LEPROTL1: variants seen among roughly 807,000 people sequenced by gnomAD.
LEPROTL1 encodes the protein leptin receptor overlapping transcript-like 1.
LEPROTL1 carries 6 observed loss-of-function variants against 15.4 expected under a neutral mutation model. The ratio of observed to expected loss-of-function variants is 0.39; its 90% CI spans 0.21 to 0.77. LEPROTL1 has a LOEUF of 0.77. LEPROTL1 is among the 30% of genes least tolerant of loss of function. The pLI, the probability that LEPROTL1 is intolerant of heterozygous loss-of-function variation, is 0.41. For missense variants in LEPROTL1, 128 were observed against 158.1 expected (o/e 0.81, Z 1.02); for synonymous variants, 56 against 52.6 (o/e 1.06, Z -0.28).
downstream of LEPROTL1, among the ~76,000 whole-genome samples, chr8:30,112,232 A>G (rs980516572): frequency 6.6e-6 from 1 of 151,666 alleles, no homozygotes; most frequent in Non-Finnish European, 1.5e-5. Flanking sequence ...TAACTTTGTA[A>G]CCATTTTTCT....
intron 1 of LEPROTL1, among the ~76,000 whole-genome samples, chr8:30,096,823 G>T (rs1048471822): frequency 2.0e-5 from 3 of 152,132 alleles, no homozygotes; most frequent in Non-Finnish European, 1.5e-5. Context: ...GATTTCAGCA[G>T]GATTTTCTGG....
Position 30,129,311 on chromosome 8 carries a change from A to G in LEPROTL1, c.280-3064A>G, listed in dbSNP as rs139821342. 2.6e-5 allele frequency among the ~76,000 whole-genome samples: 4 copies of G among 152,218 alleles called. No individual in the cohort carries two copies. The East Asian group carries it at 7.7e-4, about 29-fold the overall frequency. On this transcript the variant is annotated intron_variant, in intron 3 of 4. Transcript: ENST00000442880. ...GCCTTCATGTTAATCAGTGATATTG[A>G]CCTATAACTTTCTAAGTTATCTATA...
chr8:30,095,980 T>C lies in LEPROTL1; in HGVS notation c.16+452T>C, dbSNP rs1802357436. ...TTCCCACCGAAAGGCACAAGTGCGG[T>C]CTGCGGGCGCTGCACGGGTCTGCCC... On this transcript the variant is annotated intron_variant, in intron 1 of 3. Coordinates refer to ENST00000321250, the MANE Select transcript of LEPROTL1 (RefSeq NM_015344.3). 3 of 670,642 alleles carry C rather than the reference T, an allele frequency of 4.5e-6. No homozygotes were observed. The South Asian group carries it at 4.7e-5, about 10-fold the overall frequency. 41.5% of individuals were successfully genotyped at this position (670,642 alleles called of 1,614,324 possible).
In LEPROTL1 at chr8:30,118,019, GTTT is replaced by G. The variant is rs34271690; in HGVS notation, c.279+13554_279+13556del. On this transcript the variant is annotated intron_variant, in intron 3 of 4. Transcript: ENST00000442880. ...AATCTGTATATATATTTTTTGATTT[GTTT>G]TTTTTTTTTTTTTTTTTTTTGAGAC... Among the ~76,000 whole-genome samples, 25 of 26,774 alleles carry G rather than the reference GTTT, an allele frequency of 9.3e-4. 1 individual carries two copies. Among genetic ancestry groups the G allele is most frequent in the East Asian group, 2.2e-3 (2 of 930 alleles). The allele number at this position is 26,774 out of a possible 152,430, so 17.6% of individuals were successfully genotyped here.
downstream of LEPROTL1, among the ~76,000 whole-genome samples, chr8:30,112,811 T>C (rs538118203): frequency 4.6e-4 from 70 of 152,220 alleles, 1 homozygote; most frequent in South Asian, 0.014. Context: ...AGATAGTGAA[T>C]GTTAGATGTT....
intron 3 of LEPROTL1, among the ~76,000 whole-genome samples, chr8:30,128,672 A>G (rs1802942930): frequency 6.6e-6 from 1 of 151,526 alleles, no homozygotes; most frequent in Non-Finnish European, 1.5e-5. Flanking sequence ...GGATTCCTTG[A>G]GCCCAGGAGG....
At chr8:30,116,918 AACTC>A (rs1252930140) in intron 3 of LEPROTL1, among the ~76,000 whole-genome samples, 1 of 152,130 alleles carries the variant, frequency 6.6e-6, no homozygotes, top group Non-Finnish European at 1.5e-5. Context: ...ATCTGATACT[AACTC>A]CAGGTAGTCA....
At chr8:30,132,548 A>G in intron 4 of LEPROTL1, 1 of 1,551,742 alleles carries the variant, frequency 6.4e-7, no homozygotes, top group Non-Finnish European at 8.7e-7. Flanking sequence ...AATTGCTGGC[A>G]ATCAGTCAGT....
downstream of LEPROTL1, among the ~76,000 whole-genome samples, chr8:30,108,687 T>C (rs1235346217): frequency 1.3e-5 from 2 of 150,662 alleles, no homozygotes; most frequent in African/African-American, 4.9e-5. Context: ...CAGGCTGGAG[T>C]GCAGTGGTAC....
downstream of LEPROTL1, chr8:30,138,233 C>G (rs764212364): frequency 5.6e-5 from 14 of 248,702 alleles, no homozygotes; most frequent in East Asian, 1.5e-4. Flanking sequence ...ACAGCCAGCT[C>G]TCTGTGAATT....
At chr8:30,136,679 C>T (rs1394797372) in intron 4 of LEPROTL1, among the ~76,000 whole-genome samples, 3 of 152,044 alleles carry the variant, frequency 2.0e-5, no homozygotes, top group Admixed American at 2.0e-4. Context: ...TTGCCTTTTC[C>T]TTAGAGCAGC....
chr8:30,095,445 TG>T lies in LEPROTL1; in HGVS notation c.-65del. On this transcript the variant is annotated 5_prime_UTR_variant, in exon 1 of 4. Coordinates refer to ENST00000321250, the MANE Select transcript of LEPROTL1 (RefSeq NM_015344.3). ...GTTGTCTGGCCGCCGTAGCGCGTCTTGGGTCTCCCGGCTGCCGCTGCTGCCG... is the reference window on the plus strand; with the variant it reads ...GTTGTCTGGCCGCCGTAGCGCGTCTTGGTCTCCCGGCTGCCGCTGCTGCCG... 1 of 1,448,090 alleles carries T rather than the reference TG, an allele frequency of 6.9e-7. No individual in the cohort carries two copies. The highest frequency in any genetic ancestry group is 3.1e-5 in the East Asian group (1 of 32,520). 89.7% of individuals were successfully genotyped at this position (1,448,090 alleles called of 1,614,324 possible).
intron 3 of LEPROTL1, among the ~76,000 whole-genome samples, chr8:30,120,554 G>T (rs1802815386): frequency 6.6e-6 from 1 of 152,086 alleles, no homozygotes; most frequent in African/African-American, 2.4e-5. Context: ...TTTCTGAGAT[G>T]GGTTCTTTCT....
intron 1 of LEPROTL1, chr8:30,096,016 C>A: frequency 1.7e-6 from 1 of 605,696 alleles, no homozygotes; most frequent in Non-Finnish European, 3.0e-6. Flanking sequence ...GAAACCTCGA[C>A]CCCACGTCCA....
chr8:30,101,952 G>C lies in LEPROTL1; in HGVS notation c.71G>C (p.Gly24Ala). The C allele has an allele frequency of 1.2e-6, 2 of 1,606,946 alleles. No individual in the cohort carries two copies. The highest frequency in any genetic ancestry group is 1.7e-6 in the Non-Finnish European group (2 of 1,174,950). ...ATCGGACTGATGTTTTTGATGCTTG[G>C]ATGTGCCCTTCCAATATACAAGTAT... ...GAIGLMFLML[G>A]CALPIYNKYW... The change falls in exon 2 of 4, where the codon GGA becomes GCA. Residue 24 changes from glycine to alanine, a missense_variant. Gly to Ala is a moderately conservative substitution (Grantham distance 60, BLOSUM62 0). Coordinates refer to ENST00000321250, the MANE Select transcript of LEPROTL1 (RefSeq NM_015344.3).
intron 1 of LEPROTL1, chr8:30,095,930 A>G (rs1269885231): frequency 1.4e-6 from 1 of 691,306 alleles, no homozygotes. Flanking sequence ...GCTGCTAGAG[A>G]TGCCAGCTAT....
intron 3 of LEPROTL1, among the ~76,000 whole-genome samples, chr8:30,114,007 A>T (rs1802695342): frequency 6.6e-6 from 1 of 152,106 alleles, no homozygotes; most frequent in African/African-American, 2.4e-5. Context: ...AACATTTTAC[A>T]TTTTTTGCAC....
intron 3 of LEPROTL1, among the ~76,000 whole-genome samples, chr8:30,131,276 GTGTATATATATATATATATA>G (rs1340873362): frequency 1.3e-5 from 1 of 75,206 alleles, no homozygotes; most frequent in Non-Finnish European, 2.9e-5. Flanking sequence ...ATATATGTGT[GTGTATATATATATATATATA>G]TGTGTGTGTG....
chr8:30,108,530 T>C (rs1376858657), downstream of LEPROTL1: 4 of 152,186 alleles, frequency 2.6e-5, no homozygotes, highest in Admixed American at 6.5e-5. Context: ...TTTTCAAATA[T>C]TAGTCGTGTC....
Sources: allele counts gnomAD v4.1 joint callset (sites outside exome capture counted in the v4.1 genomes callset), GRCh38; gene constraint gnomAD v4.1.1; transcripts MANE v1.5; gene names NCBI Gene and HGNC (gene_info 2026-07-23, HGNC 2026-07-21).